The following IL1RAPL1 variants were observed in gnomAD, a reference collection of about 807,000 sequenced individuals.
IL1RAPL1 encodes interleukin 1 receptor accessory protein like 1, also known as interleukin-1 receptor accessory protein-like 1.
IL1RAPL1 carries 3 observed loss-of-function variants against 48.4 expected under a neutral mutation model. That is an observed-to-expected ratio of 0.06 (90% confidence interval 0.03 to 0.16). IL1RAPL1 has a LOEUF of 0.16. IL1RAPL1 is among the 10% of genes least tolerant of loss of function. IL1RAPL1 has a pLI of 1.00. For missense variants in IL1RAPL1, 349 were observed against 530.6 expected (o/e 0.66, Z 3.36); for synonymous variants, 185 against 187.7 (o/e 0.99, Z 0.12).
At chrX:29,163,842 A>T (rs192772849) in intron 2 of IL1RAPL1, among the ~76,000 whole-genome samples, 1 of 111,863 alleles carries the variant, frequency 8.9e-6, no homozygotes, top group African/African-American at 3.2e-5. Context: ...CCACCAGAAA[A>T]TTTCTGGTAG....
At chrX:29,076,610 T>TCATTC (rs747422334) in intron 2 of IL1RAPL1, among the ~76,000 whole-genome samples, 62 of 111,809 alleles carry the variant, frequency 5.5e-4, no homozygotes, top group African/African-American at 1.3e-3. Context: ...GTCTTTCGAT[T>TCATTC]CATTCCATTC....
chrX:29,562,754 C>T (rs755054594), intron 5 of IL1RAPL1, among the ~76,000 whole-genome samples: 59 of 111,995 alleles, frequency 5.3e-4, no homozygotes, highest in African/African-American at 1.7e-3. Flanking sequence ...AAACTCTTTC[C>T]ATCACTAAAT....
At chrX:29,301,637 C>T (rs1165149793) in intron 3 of IL1RAPL1, among the ~76,000 whole-genome samples, 2 of 111,613 alleles carry the variant, frequency 1.8e-5, no homozygotes, top group East Asian at 2.8e-4. Flanking sequence ...AAAGATTTAT[C>T]GAACATCTAC....
chrX:29,560,645 C>T (rs1454851591), intron 5 of IL1RAPL1, among the ~76,000 whole-genome samples: 2 of 111,861 alleles, frequency 1.8e-5, no homozygotes, highest in East Asian at 2.8e-4. Context: ...TGCTTTATCA[C>T]GTCTGCTATT....
Position 29,217,777 on chromosome X carries a change from T to TCACA in IL1RAPL1, c.83-65123_83-65120dup, listed in dbSNP as rs750727005. 5.2e-3 allele frequency among the ~76,000 whole-genome samples: 315 copies of TCACA among 60,628 alleles called. 1 individual carries two copies. Among genetic ancestry groups the TCACA allele is most frequent in the East Asian group, 0.012 (15 of 1,265 alleles). The allele number at this position is 60,628 out of a possible 115,157, so 52.6% of individuals were successfully genotyped here. On this transcript the variant is annotated intron_variant, in intron 2 of 10. Coordinates refer to ENST00000378993, the MANE Select transcript of IL1RAPL1 (RefSeq NM_014271.4). ...TTTTTTCTCTCTCTCTCTCTCTCTCTCACACACACACACACACACACACAC... is the reference window on the plus strand; with the variant it reads ...TTTTTTCTCTCTCTCTCTCTCTCTCTCACACACACACACACACACACACACACAC...
intron 3 of IL1RAPL1, among the ~76,000 whole-genome samples, chrX:29,341,605 CA>C (rs2147645834): frequency 9.0e-6 from 1 of 110,564 alleles, no homozygotes; most frequent in East Asian, 2.9e-4. Context: ...GTAGTTGGAG[CA>C]AAGGAGGAAA....
At chrX:29,280,195 T>C (rs901093920) in intron 2 of IL1RAPL1, among the ~76,000 whole-genome samples, 1 of 112,108 alleles carries the variant, frequency 8.9e-6, no homozygotes, top group Admixed American at 9.5e-5. Flanking sequence ...TTTTGATAAA[T>C]ATTATATGCA....
chrX:29,078,337 G>C (rs1347107038), intron 2 of IL1RAPL1, among the ~76,000 whole-genome samples: 4 of 112,330 alleles, frequency 3.6e-5, no homozygotes, highest in African/African-American at 1.3e-4. Context: ...AAAGCAAAGA[G>C]AGAGGTTTGT....
intron 1 of IL1RAPL1, among the ~76,000 whole-genome samples, chrX:28,720,179 T>A (rs1935553303): frequency 9.0e-6 from 1 of 111,328 alleles, no homozygotes; most frequent in African/African-American, 3.3e-5. Flanking sequence ...GACATATAAT[T>A]GTAAGATACA....
intron 2 of IL1RAPL1, among the ~76,000 whole-genome samples, chrX:28,921,200 T>C (rs1454556592): frequency 9.0e-6 from 1 of 111,692 alleles, no homozygotes; most frequent in East Asian, 2.8e-4. Flanking sequence ...ATGGTAATTA[T>C]AAAGACTAAA....
chrX:29,159,422 T>C (rs182664283), intron 2 of IL1RAPL1, among the ~76,000 whole-genome samples: 187 of 111,684 alleles, frequency 1.7e-3, no homozygotes, highest in African/African-American at 5.7e-3. Context: ...CAATCTAGAG[T>C]TTGTGGCACA....
intron 5 of IL1RAPL1, among the ~76,000 whole-genome samples, chrX:29,592,942 C>G (rs187763587): frequency 4.5e-5 from 5 of 112,275 alleles, no homozygotes; most frequent in Admixed American, 1.9e-4. Flanking sequence ...GTTTAACCAT[C>G]CCATGCTGAT....
At chrX:29,626,450 G>A (rs948704051) in intron 5 of IL1RAPL1, among the ~76,000 whole-genome samples, 4 of 111,907 alleles carry the variant, frequency 3.6e-5, no homozygotes, top group Non-Finnish European at 7.5e-5. Flanking sequence ...CCATAGAGAT[G>A]AAGACAGAGG....
chrX:29,037,218 TATTTA>T (rs1355875574), intron 2 of IL1RAPL1, among the ~76,000 whole-genome samples: 1 of 112,137 alleles, frequency 8.9e-6, no homozygotes, highest in Non-Finnish European at 1.9e-5. Flanking sequence ...TATGTCTGAT[TATTTA>T]ATTCAAAAAG....
intron 1 of IL1RAPL1, among the ~76,000 whole-genome samples, chrX:28,676,068 C>T (rs1214712363): frequency 9.0e-6 from 1 of 111,466 alleles, no homozygotes; most frequent in East Asian, 2.8e-4. Flanking sequence ...GACAATTCAC[C>T]TCTATGATTG....
At chrX:29,035,599 C>G (rs1451557472) in intron 2 of IL1RAPL1, among the ~76,000 whole-genome samples, 2 of 110,290 alleles carry the variant, frequency 1.8e-5, no homozygotes, top group African/African-American at 3.3e-5. Context: ...CAGGATCGCA[C>G]CACTGCACTC....
At chrX:29,320,323 C>A (rs901829829) in intron 3 of IL1RAPL1, among the ~76,000 whole-genome samples, 1 of 111,626 alleles carries the variant, frequency 9.0e-6, no homozygotes, top group Non-Finnish European at 1.9e-5. Context: ...GGTTCAGGAC[C>A]ACTGCCTTAT....
At chrX:28,695,498 T>G (rs1194305483) in intron 1 of IL1RAPL1, among the ~76,000 whole-genome samples, 2 of 112,063 alleles carry the variant, frequency 1.8e-5, no homozygotes, top group African/African-American at 6.5e-5. Flanking sequence ...CACTGTAAGT[T>G]GGAGTCTTTA....
intron 5 of IL1RAPL1, among the ~76,000 whole-genome samples, chrX:29,452,781 G>A (rs1405729796): frequency 9.0e-6 from 1 of 110,966 alleles, no homozygotes; most frequent in East Asian, 2.8e-4. Context: ...AGCCATGGTG[G>A]ATAATCAAAA....
Sources: gnomAD v4.1 joint callset for allele counts (sites outside exome capture counted in the v4.1 genomes callset) on GRCh38, gnomAD v4.1.1 for gene constraint, MANE v1.5 for transcripts, NCBI Gene and HGNC (gene_info 2026-07-23, HGNC 2026-07-21) for gene names.